BACH2: variants seen among roughly 807,000 people sequenced by gnomAD.
BACH2 encodes transcription regulator protein BACH2.
Under a neutral mutation model 61.8 loss-of-function variants are expected in BACH2, and 5 were observed. The ratio of observed to expected loss-of-function variants is 0.08; its 90% CI spans 0.04 to 0.17. The LOEUF (loss-of-function observed/expected upper bound fraction) is 0.17, where lower values mean the gene tolerates loss of function less well. Ranked by LOEUF, BACH2 falls within the 10% of genes least tolerant of loss-of-function variation. The probability of loss-of-function intolerance (pLI) is 1.00; values close to 1 mark genes in which losing one functional copy is unlikely to be tolerated. For missense variants in BACH2, 824 were observed against 1,091.1 expected, an observed-to-expected ratio of 0.76 and a Z score of 3.45; for synonymous variants, 446 against 440.1, an observed-to-expected ratio of 1.01 and a Z score of -0.17.
intron 4 of BACH2, chr6:90,116,990 T>A: frequency 2.7e-6 from 1 of 372,298 alleles, no homozygotes; most frequent in Non-Finnish European, 5.3e-6. Context: ...GCTCCTTCTT[T>A]CTCTGGCACA....
intron 4 of BACH2, among the ~76,000 whole-genome samples, chr6:90,185,761 C>A (rs543082557): frequency 6.6e-6 from 1 of 152,162 alleles, no homozygotes; most frequent in East Asian, 1.9e-4. Context: ...CTGGTCTTCA[C>A]GTCTACACAC....
At chr6:89,957,912 A>G (rs1179334205) in intron 6 of BACH2, among the ~76,000 whole-genome samples, 1 of 152,224 alleles carries the variant, frequency 6.6e-6, no homozygotes. Context: ...AAACTAAATC[A>G]ACATTGAAAT....
chr6:90,054,635 C>T (rs1780231330), intron 5 of BACH2, among the ~76,000 whole-genome samples: 2 of 152,204 alleles, frequency 1.3e-5, no homozygotes, highest in African/African-American at 4.8e-5. Context: ...GTGGTTCTCC[C>T]AGCACACAGC....
At chr6:90,059,987 AG>A (rs1295402953) in intron 5 of BACH2, among the ~76,000 whole-genome samples, 1 of 67,002 alleles carries the variant, frequency 1.5e-5, no homozygotes, top group African/African-American at 6.1e-5. Context: ...GGGTGGGGGG[AG>A]GGGGGAGGGA....
chr6:90,256,659 T>A (rs1024440565), intron 2 of BACH2, among the ~76,000 whole-genome samples: 1 of 152,252 alleles, frequency 6.6e-6, no homozygotes, highest in Non-Finnish European at 1.5e-5. Context: ...ATTTATGGTA[T>A]ACAACGTGAT....
chr6:90,240,669 C>A (rs1770420133), intron 3 of BACH2, among the ~76,000 whole-genome samples: 1 of 151,936 alleles, frequency 6.6e-6, no homozygotes, highest in Non-Finnish European at 1.5e-5. Flanking sequence ...AAATGATGAC[C>A]CACGTAAAAT....
At chr6:89,948,690 A>G (rs551198758) in intron 7 of BACH2, among the ~76,000 whole-genome samples, 2 of 152,184 alleles carry the variant, frequency 1.3e-5, no homozygotes, top group Non-Finnish European at 2.9e-5. Flanking sequence ...AAGAGGTCAG[A>G]GGGAAAGAAT....
intron 1 of BACH2, among the ~76,000 whole-genome samples, chr6:90,286,686 A>G (rs1161686020): frequency 6.6e-6 from 1 of 152,206 alleles, no homozygotes; most frequent in Admixed American, 6.5e-5. Context: ...CTTCAACTTT[A>G]GGGTCATTCT....
At chr6:90,258,174 T>G (rs1176637952) in intron 2 of BACH2, among the ~76,000 whole-genome samples, 1 of 152,240 alleles carries the variant, frequency 6.6e-6, no homozygotes, top group African/African-American at 2.4e-5. Flanking sequence ...CCTATGTTCC[T>G]GTGTAGGAGT....
intron 4 of BACH2, among the ~76,000 whole-genome samples, chr6:90,147,593 C>A (rs1291248833): frequency 6.6e-6 from 1 of 152,144 alleles, no homozygotes; most frequent in Non-Finnish European, 1.5e-5. Context: ...TATGGGTTCA[C>A]ATCCCTAAAA....
At chr6:90,143,631 C>T (rs1456645750) in intron 4 of BACH2, among the ~76,000 whole-genome samples, 2 of 152,076 alleles carry the variant, frequency 1.3e-5, no homozygotes, top group South Asian at 2.1e-4. Flanking sequence ...CCCTGTGCAC[C>T]TCCACATCCT....
At chr6:89,954,065 A>C (rs2128357587) in intron 6 of BACH2, among the ~76,000 whole-genome samples, 1 of 152,360 alleles carries the variant, frequency 6.6e-6, no homozygotes, top group Middle Eastern at 3.4e-3. Context: ...GAAGATGACA[A>C]GAATGTCACA....
At chr6:90,171,614 T>C (rs1482015044) in intron 4 of BACH2, among the ~76,000 whole-genome samples, 1 of 152,006 alleles carries the variant, frequency 6.6e-6, no homozygotes, top group African/African-American at 2.4e-5. Context: ...TCATAAGAAT[T>C]CCAAGTAATT....
intron 4 of BACH2, among the ~76,000 whole-genome samples, chr6:90,202,300 A>C (rs1006141574): frequency 6.6e-6 from 1 of 152,206 alleles, no homozygotes; most frequent in African/African-American, 2.4e-5. Context: ...AAAAACTCCA[A>C]ATGAAGGTAG....
rs76299051 is a variant in BACH2 at position 90,063,887 on chromosome 6, A to G, written c.-13+25074T>C. Among the ~76,000 whole-genome samples, 1,155 of 152,192 alleles carry G rather than the reference A, an allele frequency of 7.6e-3. 52 individuals carry two copies. In the East Asian group the frequency reaches 0.14, roughly 18 times the overall value. On this transcript the variant is annotated intron_variant, in intron 5 of 8. Transcript: ENST00000257749. Reference sequence around the variant, plus strand: ...ATCTAATGATATTTCAGAAATAAGGATATATCTTATAGTTGGTGGCTTATA... The same window carrying G: ...ATCTAATGATATTTCAGAAATAAGGGTATATCTTATAGTTGGTGGCTTATA...
At chr6:90,076,128 A>C (rs1781461767) in intron 5 of BACH2, among the ~76,000 whole-genome samples, 8 of 152,184 alleles carry the variant, frequency 5.3e-5, no homozygotes, top group Admixed American at 5.2e-4. Flanking sequence ...TCACAAAATG[A>C]AATGTTATGT....
At chr6:90,291,679 T>C (rs191014897) in intron 1 of BACH2, among the ~76,000 whole-genome samples, 55 of 151,980 alleles carry the variant, frequency 3.6e-4, no homozygotes, top group African/African-American at 1.3e-3. Flanking sequence ...AAATGTTTAG[T>C]TCATAGCAGG....
At position 89,951,523 on chromosome 6, in the gene BACH2, C is replaced by T. The variant is rs143586122; in HGVS notation, c.583G>A (p.Ala195Thr). ...MLPEPISFEA[A>T]AIPVAEKEEA... is the part of the protein sequence containing the mutation. ...TCCTTCTCTGCTACGGGGATGGCGGCGGCCTCAAAGCTGATGGGCTCTGGA... is the reference window on the plus strand; with the variant it reads ...TCCTTCTCTGCTACGGGGATGGCGGTGGCCTCAAAGCTGATGGGCTCTGGA... Residue 195 changes from alanine (A) to threonine (T), a missense_variant, in exon 7 of 9, where the codon GCC becomes ACC. Ala to Thr is a moderately conservative substitution (Grantham distance 58, BLOSUM62 0). Around this residue, in one of 8 missense-constraint regions of BACH2, gnomAD observed 107 missense variants for 121.7 expected, o/e 0.88. Transcript: ENST00000257749. This position sits in a 1 kb window ranked among gnomAD's most constrained non-coding sequence, Gnocchi z 6.4. 3,448 of 1,614,182 alleles carry T rather than the reference C, an allele frequency of 2.1e-3. 6 individuals carry two copies. Among genetic ancestry groups the T allele is most frequent in the Non-Finnish European group, 2.6e-3 (3,038 of 1,180,038 alleles).
intron 5 of BACH2, among the ~76,000 whole-genome samples, chr6:90,076,498 G>A (rs1044828137): frequency 5.3e-5 from 8 of 152,122 alleles, no homozygotes; most frequent in African/African-American, 1.2e-4. Flanking sequence ...ACTAATTAGC[G>A]AAGGAGAATA....
Sources: gnomAD v4.1 joint callset for allele counts (sites outside exome capture counted in the v4.1 genomes callset) on GRCh38, gnomAD v4.1.1 for gene constraint, gnomAD v4.1.1 regional missense constraint, Gnocchi (gnomAD v3.1) non-coding constraint, MANE v1.5 for transcripts, NCBI Gene and HGNC (gene_info 2026-07-23, HGNC 2026-07-21) for gene names.